The following RANBP3L variants were observed in gnomAD, a reference collection of about 807,000 sequenced individuals.
RANBP3L encodes the protein RAN binding protein 3 like, also known as ran-binding protein 3-like.
A neutral mutation model predicts 67.2 loss-of-function variants in RANBP3L; 56 were observed. That is an observed-to-expected ratio of 0.83 (90% confidence interval 0.67 to 1.04). RANBP3L has a LOEUF of 1.04. Among genes scored for constraint, RANBP3L ranks in the 50% least tolerant of loss-of-function variants. RANBP3L has a pLI of 0.00. For synonymous variants in RANBP3L, 164 were observed against 181.4 expected (o/e 0.90, Z 0.77); for missense variants, 496 against 535.5 (o/e 0.93, Z 0.73).
chr5:36,294,740 A>G (rs1163996693), intron 1 of RANBP3L, among the ~76,000 whole-genome samples: 4 of 150,258 alleles, frequency 2.7e-5, no homozygotes, highest in Non-Finnish European at 4.4e-5. Context: ...TTGGTTTTAT[A>G]TATATATATA....
In RANBP3L at chr5:36,301,436, T is replaced by C. The variant is rs753291277; in HGVS notation, c.-20A>G. 3.7e-6 allele frequency: 6 copies of C among 1,600,706 alleles called. No individual in the cohort carries two copies. The Admixed American group carries it at 5.0e-5, about 13-fold the overall frequency. ...AGTCATGGTCCTAGCAGTATGGCTG[T>C]GACTCAAGGATCACTAGGGCACCTC... is the stretch of plus-strand genomic sequence containing the variant. On this transcript the variant is annotated 5_prime_UTR_variant, in exon 1 of 14. Transcript: ENST00000296604.
chr5:36,300,057 A>G (rs1045198775), intron 1 of RANBP3L, among the ~76,000 whole-genome samples: 2 of 152,230 alleles, frequency 1.3e-5, no homozygotes, highest in Non-Finnish European at 2.9e-5. Flanking sequence ...TTCTATTAAA[A>G]TTATCATATT....
intron 1 of RANBP3L, among the ~76,000 whole-genome samples, chr5:36,285,697 G>C (rs1751272889): frequency 6.6e-6 from 1 of 152,164 alleles, no homozygotes; most frequent in South Asian, 2.1e-4. Context: ...TGGGGAATTT[G>C]TACCTCAGGT....
intron 1 of RANBP3L, among the ~76,000 whole-genome samples, chr5:36,283,173 T>C (rs1021207092): frequency 6.6e-6 from 1 of 152,066 alleles, no homozygotes; most frequent in African/African-American, 2.4e-5. Context: ...TTCTCGTGCC[T>C]CAGCCTCCTG....
intron 1 of RANBP3L, among the ~76,000 whole-genome samples, chr5:36,276,156 G>A (rs1750551849): frequency 2.6e-5 from 4 of 152,116 alleles, no homozygotes; most frequent in Admixed American, 2.6e-4. Context: ...GAGTCACTGA[G>A]TTCAGAAAGC....
chr5:36,251,341 A>G lies in RANBP3L; in HGVS notation c.1326T>C (p.Asp442=), dbSNP rs1357181581. 2 of 1,612,774 alleles carry G rather than the reference A, an allele frequency of 1.2e-6. No individual in the cohort carries two copies. Among genetic ancestry groups the G allele is most frequent in the Non-Finnish European group, 1.7e-6 (2 of 1,179,296 alleles). The part of the protein sequence containing the change: ...NCESCDENED[D]FIQVTKNGSD... The stretch of plus-strand genomic sequence containing the variant: ...ATCCATTTTTAGTGACTTGGATGAA[A>G]TCATCCTCATTCTCATCACAGCTTT... Residue 442 remains aspartate, a synonymous_variant, in exon 13 of 14, where the codon GAT becomes GAC. Coordinates refer to ENST00000296604, the MANE Select transcript of RANBP3L (RefSeq NM_145000.5).
intron 11 of RANBP3L, among the ~76,000 whole-genome samples, chr5:36,255,010 T>A (rs796351566): frequency 6.6e-6 from 1 of 152,250 alleles, no homozygotes; most frequent in African/African-American, 2.4e-5. Context: ...ATGCCAAGGA[T>A]AAATTATGGG....
rs769104369 is a variant in RANBP3L, at chr5:36,265,109, T to C, written c.341-11A>G. ...AATGTTTCACAGGACCTTAAAAGAA[T>C]AGAATTAAAGGATAAATATATGTTT... On this transcript the variant is annotated splice_polypyrimidine_tract_variant and intron_variant, in intron 5 of 13. Transcript: ENST00000296604. 4.4e-5 allele frequency: 68 copies of C among 1,533,934 alleles called. No individual in the cohort carries two copies. Among genetic ancestry groups the C allele is most frequent in the Non-Finnish European group, 5.8e-5 (65 of 1,117,142 alleles).
Position 36,251,295 on chromosome 5 carries a change from A to G in RANBP3L, c.1354+18T>C, listed in dbSNP as rs185517854. On this transcript the variant is annotated intron_variant, in intron 13 of 13. Coordinates refer to ENST00000296604, the MANE Select transcript of RANBP3L (RefSeq NM_145000.5). ...TTCTTTTTTAAACCTCTGAACTAAC[A>G]AAACAAAAGCTATTTACCTGATCCA... is the stretch of plus-strand genomic sequence containing the variant. 1.3e-6 allele frequency: 2 copies of G among 1,599,100 alleles called. No individual in the cohort carries two copies. Among genetic ancestry groups the G allele is most frequent in the African/African-American group, 2.7e-5 (2 of 74,472 alleles).
intron 10 of RANBP3L, 117 bp downstream of exon 10, chr5:36,256,824 A>G (rs192953267): frequency 8.4e-5 from 77 of 916,324 alleles, no homozygotes; most frequent in Admixed American, 3.2e-4. Flanking sequence ...TATTTAAGCA[A>G]CTTAGTCTCC....
At chr5:36,253,555 G>A (rs1748744839) in intron 12 of RANBP3L, 92 bp downstream of exon 12, 2 of 1,043,528 alleles carry the variant, frequency 1.9e-6, no homozygotes, top group Non-Finnish European at 1.4e-6. Context: ...CAATGGTACA[G>A]ATTATTATAC....
At chr5:36,265,710 C>T (rs539861725) in intron 4 of RANBP3L, among the ~76,000 whole-genome samples, 190 bp from the exon 5 acceptor site, 7 of 152,160 alleles carry the variant, frequency 4.6e-5, no homozygotes, top group African/African-American at 1.7e-4. Flanking sequence ...CGGTGGCTCG[C>T]GCCTGTAATC....
intron 1 of RANBP3L, among the ~76,000 whole-genome samples, chr5:36,274,462 G>A (rs1554017510): frequency 1.3e-5 from 2 of 151,994 alleles, no homozygotes; most frequent in Non-Finnish European, 2.9e-5. Flanking sequence ...GGCAAACGTA[G>A]AAGAAGGACA....
At chr5:36,262,843 T>G (rs1749494437) in intron 6 of RANBP3L, among the ~76,000 whole-genome samples, 1 of 152,194 alleles carries the variant, frequency 6.6e-6, no homozygotes, top group South Asian at 2.1e-4. Flanking sequence ...TCGAAGTACA[T>G]GCTCATTACC....
intron 1 of RANBP3L, among the ~76,000 whole-genome samples, chr5:36,290,224 C>CTTTTTTTTTTTTTT (rs33974139): frequency 6.9e-6 from 1 of 143,990 alleles, no homozygotes; most frequent in Non-Finnish European, 1.5e-5. Flanking sequence ...TCTGTCTCAC[C>CTTTTTTTTTTTTTT]TTTTTTTTTT....
chr5:36,269,591 T>C, intron 3 of RANBP3L, 124 bp from the exon 4 acceptor site: 1 of 674,056 alleles, frequency 1.5e-6, no homozygotes, highest in Non-Finnish European at 2.7e-6. Flanking sequence ...TAGCACATTT[T>C]AAATATTGGG....
At position 36,264,993 on chromosome 5, in the gene RANBP3L, T is replaced by G; in HGVS notation, c.446A>C (p.Glu149Ala). 6.2e-7 allele frequency: 1 copy of G among 1,613,838 alleles called. No individual in the cohort carries two copies. Among genetic ancestry groups the G allele is most frequent in the East Asian group, 2.2e-5 (1 of 44,872 alleles). Reference protein sequence around the residue: ...VRKTFGHKALESCKTKEKTNN... With the variant: ...VRKTFGHKALASCKTKEKTNN... ...TGTTTTTTCTTTAGTCTTGCAAGAT[T>G]CCAGTGCCTTGTGTCCAAATGTTTT... The change falls in exon 6 of 14, where the codon GAA becomes GCA. Residue 149 changes from glutamate to alanine, a missense_variant. Glu to Ala is a moderately radical substitution (Grantham distance 107). Transcript: ENST00000296604.
intron 12 of RANBP3L, among the ~76,000 whole-genome samples, chr5:36,253,105 T>G (rs1490051561): frequency 6.6e-6 from 1 of 152,060 alleles, no homozygotes; most frequent in East Asian, 1.9e-4. Context: ...GTATTTGAGG[T>G]CAAGTATTCC....
At chr5:36,266,086 C>CT (rs985177493) in intron 4 of RANBP3L, among the ~76,000 whole-genome samples, 6 of 150,770 alleles carry the variant, frequency 4.0e-5, no homozygotes, top group Admixed American at 6.6e-5. Flanking sequence ...AAAAGGCAGT[C>CT]TTTTTTTTGA....
Sources: gnomAD v4.1 joint callset for allele counts (sites outside exome capture counted in the v4.1 genomes callset) on GRCh38, gnomAD v4.1.1 for gene constraint, MANE v1.5 for transcripts, NCBI Gene and HGNC (gene_info 2026-07-23, HGNC 2026-07-21) for gene names.